The following RANBP3 variants were observed in gnomAD, a reference collection of about 807,000 sequenced individuals.
RANBP3 encodes the protein RAN binding protein 3, also known as ran-binding protein 3.
Under a neutral mutation model 77.3 loss-of-function variants are expected in RANBP3, and 14 were observed. That is an observed-to-expected ratio of 0.18 (90% CI 0.12 to 0.28). The LOEUF (loss-of-function observed/expected upper bound fraction) is 0.28. Ranked by LOEUF, RANBP3 falls within the 10% of genes least tolerant of loss-of-function variation. The probability of loss-of-function intolerance (pLI) is 1.00; values close to 1 mark genes in which losing one functional copy is unlikely to be tolerated. For synonymous variants in RANBP3, 315 were observed against 312.4 expected, an observed-to-expected ratio of 1.01 and a Z score of -0.09; for missense variants, 586 against 752.3, an observed-to-expected ratio of 0.78 and a Z score of 2.59.
At chr19:5,931,611 C>A (rs1436683658) in intron 7 of RANBP3, 80 bp from the exon 8 acceptor site, 2 of 1,488,438 alleles carry the variant, frequency 1.3e-6, no homozygotes, top group Middle Eastern at 2.2e-4. Context: ...AGGGGCTGGG[C>A]CACGTCTAGT....
intron 9 of RANBP3, among the ~76,000 whole-genome samples, chr19:5,927,331 C>G (rs978283820): frequency 2.6e-5 from 4 of 152,172 alleles, no homozygotes; most frequent in Non-Finnish European, 5.9e-5. Flanking sequence ...AGACGCTTTG[C>G]TCCCTTTCAG....
At chr19:5,937,584 A>G (rs1377010993) in intron 5 of RANBP3, among the ~76,000 whole-genome samples, 1 of 152,212 alleles carries the variant, frequency 6.6e-6, no homozygotes, top group Non-Finnish European at 1.5e-5. Flanking sequence ...GACAAAAGGG[A>G]CAGAGAAATT....
intron 2 of RANBP3, among the ~76,000 whole-genome samples, chr19:5,953,949 C>T (rs1028477984): frequency 2.0e-5 from 3 of 152,192 alleles, no homozygotes; most frequent in East Asian, 1.9e-4. Context: ...CTAAGTGATG[C>T]CACCGGCACC....
intron 1 of RANBP3, chr19:5,962,570 C>A (rs1311851536): frequency 1.4e-5 from 6 of 427,806 alleles, no homozygotes; most frequent in Non-Finnish European, 1.9e-5. Context: ...TCCAGAGGAA[C>A]GGAACCAAGA....
At chr19:5,918,414 T>TCCCC in intron 15 of RANBP3, 82 bp downstream of exon 15, 1 of 260,264 alleles carries the variant, frequency 3.8e-6, no homozygotes, top group South Asian at 3.9e-5. Context: ...CTCCCCACCG[T>TCCCC]CCTGCCTGAT....
intron 3 of RANBP3, among the ~76,000 whole-genome samples, chr19:5,945,012 T>G (rs914525278): frequency 5.3e-5 from 8 of 152,214 alleles, no homozygotes; most frequent in African/African-American, 1.9e-4. Context: ...GCCCTCCTTT[T>G]CCCTCAAGCG....
intron 2 of RANBP3, among the ~76,000 whole-genome samples, chr19:5,955,779 G>A (rs1229564126): frequency 6.6e-6 from 1 of 152,182 alleles, no homozygotes; most frequent in East Asian, 1.9e-4. Flanking sequence ...AAATACTACT[G>A]CTGTAGCAGC....
intron 14 of RANBP3, 27 bp from the exon 15 acceptor site, chr19:5,918,665 T>G (rs944814731): frequency 6.8e-6 from 11 of 1,607,406 alleles, no homozygotes; most frequent in Admixed American, 1.7e-5. Flanking sequence ...CACTCAGCCC[T>G]GGCCCCCACA....
rs960622243 is a variant in RANBP3, at chr19:5,955,944, A to T, written c.78+1974T>A. The stretch of plus-strand genomic sequence containing the variant: ...CAGCAAGACACCATCTCTAAAAAAA[A>T]TTTTTTTTTTTCAAATTAGCCAGGT... On this transcript the variant is annotated intron_variant, in intron 2 of 16. Coordinates refer to ENST00000340578, the MANE Select transcript of RANBP3 (RefSeq NM_007322.3). Among the ~76,000 whole-genome samples, 69 of 149,568 alleles carry T rather than the reference A, an allele frequency of 4.6e-4. 1 individual carries two copies. Among genetic ancestry groups the T allele is most frequent in the Admixed American group, 1.2e-3 (18 of 14,998 alleles).
intron 5 of RANBP3, chr19:5,933,830 C>T (rs1003988435): frequency 3.5e-5 from 7 of 197,488 alleles, no homozygotes; most frequent in African/African-American, 7.0e-5. Flanking sequence ...CAGGGAGCCA[C>T]GGAACACAGG....
intron 5 of RANBP3, among the ~76,000 whole-genome samples, chr19:5,939,126 A>G (rs926600184): frequency 6.6e-6 from 1 of 152,224 alleles, no homozygotes; most frequent in Non-Finnish European, 1.5e-5. Context: ...CGGAGGTTGC[A>G]GTGAGTTGAG....
At chr19:5,918,386 A>ATGGGGGG in intron 15 of RANBP3, 110 bp downstream of exon 15, 1 of 617,696 alleles carries the variant, frequency 1.6e-6, no homozygotes, top group Non-Finnish European at 2.5e-6. Context: ...GAAGCAACTG[A>ATGGGGGG]AGCCCCTCCC....
intron 3 of RANBP3, among the ~76,000 whole-genome samples, chr19:5,942,519 A>G (rs537576130): frequency 6.6e-6 from 1 of 152,240 alleles, no homozygotes; most frequent in East Asian, 1.9e-4. Flanking sequence ...CCTGACCAAC[A>G]TGGTGAAACC....
rs2057866770 is a variant in RANBP3 at position 5,924,041 on chromosome 19, C to T, written c.997-127G>A. ...CAGCACTCCTGCCCACTCCCGGTGA[C>T]ACCCTGAACTGCCTGGGAGCTCCCC... is the stretch of plus-strand genomic sequence containing the variant. On this transcript the variant is annotated intron_variant, in intron 11 of 16. Transcript: ENST00000340578. This position sits in a 1 kb window ranked among gnomAD's most constrained non-coding sequence, Gnocchi z 4.7. 2.8e-6 allele frequency: 2 copies of T among 703,444 alleles called. No homozygotes were observed. The highest frequency in any genetic ancestry group is 4.8e-6 in the Non-Finnish European group (2 of 415,154). The allele number at this position is 703,444 out of a possible 1,614,324, so 43.6% of individuals were successfully genotyped here.
At chr19:5,962,597 G>C in intron 1 of RANBP3, 1 of 453,350 alleles carries the variant, frequency 2.2e-6, no homozygotes, top group Non-Finnish European at 4.4e-6. Context: ...AGCAATAGGA[G>C]ATGAACTTGG....
intron 1 of RANBP3, among the ~76,000 whole-genome samples, chr19:5,969,175 A>T (rs671892): frequency 6.6e-6 from 1 of 152,046 alleles, no homozygotes; most frequent in Non-Finnish European, 1.5e-5. Context: ...CCATGCTGAC[A>T]AATCTGGATT....
intron 9 of RANBP3, 100 bp from the exon 10 acceptor site, chr19:5,925,837 G>A (rs2057900623): frequency 1.4e-5 from 13 of 954,884 alleles, no homozygotes; most frequent in Middle Eastern, 2.1e-4. Flanking sequence ...GGAGCTGCTC[G>A]GAGCCATGAA....
chr19:5,947,103 CA>C (rs1422305662), intron 3 of RANBP3, among the ~76,000 whole-genome samples: 2 of 152,126 alleles, frequency 1.3e-5, no homozygotes, highest in Non-Finnish European at 2.9e-5. Context: ...CACCTGAGGT[CA>C]GGGGTTCGAG....
chr19:5,929,033 G>T (rs2057951799), intron 8 of RANBP3, among the ~76,000 whole-genome samples: 1 of 152,200 alleles, frequency 6.6e-6, no homozygotes, highest in South Asian at 2.1e-4. Flanking sequence ...AGGTGAGAAA[G>T]GCTGCAGGCA....
Sources: gnomAD v4.1 joint callset for allele counts (sites outside exome capture counted in the v4.1 genomes callset) on GRCh38, gnomAD v4.1.1 for gene constraint, Gnocchi (gnomAD v3.1) non-coding constraint, MANE v1.5 for transcripts, NCBI Gene and HGNC (gene_info 2026-07-23, HGNC 2026-07-21) for gene names.